Variants in GNB1 observed in about 807,000 individuals in gnomAD.
GNB1 encodes G protein subunit beta 1.
GNB1 carries 2 observed loss-of-function variants against 42.9 expected under a neutral mutation model. That is an observed-to-expected ratio of 0.05 (90% CI 0.02 to 0.15). The LOEUF is 0.15. GNB1 is among the 10% of genes least tolerant of loss of function. The probability of loss-of-function intolerance (pLI) is 1.00; values close to 1 mark genes in which losing one functional copy is unlikely to be tolerated. For synonymous variants in GNB1, 183 were observed against 174.7 expected, an observed-to-expected ratio of 1.05 and a Z score of -0.38; for missense variants, 193 against 462.2, an observed-to-expected ratio of 0.42 and a Z score of 5.34.
intron 7 of GNB1, among the ~76,000 whole-genome samples, chr1:1,797,385 A>G (rs1445281633): frequency 6.6e-6 from 1 of 152,168 alleles, no homozygotes; most frequent in Non-Finnish European, 1.5e-5. Flanking sequence ...GTATTTCTGG[A>G]TGGAATTATA....
At chr1:1,800,616 G>GA (rs1392326726) in intron 7 of GNB1, among the ~76,000 whole-genome samples, 1 of 152,136 alleles carries the variant, frequency 6.6e-6, no homozygotes, top group African/African-American at 2.4e-5. Flanking sequence ...AGATGCATTT[G>GA]AAGACATGGT....
chr1:1,862,769 T>G (rs1394337613), intron 1 of GNB1, among the ~76,000 whole-genome samples: 4 of 151,976 alleles, frequency 2.6e-5, no homozygotes, highest in Non-Finnish European at 5.9e-5. Flanking sequence ...AGTACTTTAT[T>G]TGTACAGAAG....
intron 2 of GNB1, among the ~76,000 whole-genome samples, chr1:1,829,258 C>T (rs983251715): frequency 1.3e-5 from 2 of 152,000 alleles, no homozygotes; most frequent in Admixed American, 6.6e-5. Flanking sequence ...GGTTTCACCA[C>T]GTTGGCCAGG....
intron 2 of GNB1, among the ~76,000 whole-genome samples, chr1:1,827,950 T>C (rs1647021947): frequency 6.6e-6 from 1 of 152,286 alleles, no homozygotes; most frequent in Admixed American, 6.5e-5. Context: ...GTAAAGCTAA[T>C]TTTTATAGTA....
rs116231871 is a variant in GNB1, at chr1:1,882,556, C to T, written c.-96+8264G>A. The stretch of plus-strand genomic sequence containing the variant: ...TTGTCCCTATCAGCAAATCAAGGGA[C>T]GTCAACAAATTTTGGTGAAATTAAA... On this transcript the variant is annotated intron_variant, in intron 1 of 11. Transcript: ENST00000378609. 9.7e-3 allele frequency among the ~76,000 whole-genome samples: 1,469 copies of T among 151,432 alleles called. 32 individuals are homozygous for T. Among genetic ancestry groups the T allele is most frequent in the African/African-American group, 0.034 (1,394 of 41,166 alleles).
intron 1 of GNB1, among the ~76,000 whole-genome samples, chr1:1,859,725 C>G (rs1195798143): frequency 6.8e-6 from 1 of 147,544 alleles, no homozygotes; most frequent in Non-Finnish European, 1.5e-5. Flanking sequence ...AAGAGGGAGG[C>G]AGGCCGGGCG....
intron 1 of GNB1, among the ~76,000 whole-genome samples, chr1:1,864,316 A>AAAAG (rs1648794569): frequency 7.0e-6 from 1 of 143,210 alleles, no homozygotes; most frequent in Non-Finnish European, 1.5e-5. Context: ...GACTCTCTCA[A>AAAAG]AAAAAAAAAA....
intron 2 of GNB1, among the ~76,000 whole-genome samples, chr1:1,837,762 A>C (rs1188845785): frequency 6.8e-6 from 1 of 146,784 alleles, no homozygotes; most frequent in Non-Finnish European, 1.5e-5. Context: ...ACGGGGTTTC[A>C]CCATGTTGGC....
chr1:1,821,543 T>C (rs1451220554), intron 3 of GNB1, among the ~76,000 whole-genome samples: 1 of 152,204 alleles, frequency 6.6e-6, no homozygotes, highest in African/African-American at 2.4e-5. Context: ...CAGGAAAAAA[T>C]GTTCTACATT....
intron 1 of GNB1, among the ~76,000 whole-genome samples, chr1:1,866,212 T>C (rs539032783): frequency 6.6e-6 from 1 of 152,382 alleles, no homozygotes; most frequent in Admixed American, 6.5e-5. Flanking sequence ...AGTGCTGAGA[T>C]TACAGGCGTG....
chr1:1,801,486 G>C (rs948694750), intron 7 of GNB1, among the ~76,000 whole-genome samples: 2 of 152,166 alleles, frequency 1.3e-5, no homozygotes, highest in Non-Finnish European at 2.9e-5. Flanking sequence ...CAGCAGGCCC[G>C]TGTGGCTGTG....
intron 7 of GNB1, among the ~76,000 whole-genome samples, chr1:1,804,003 AG>A (rs66770549): frequency 0.59 from 21,806 of 37,110 alleles, 6,331 homozygotes; most frequent in African/African-American, 0.65. Context: ...AAAAAAAAAA[AG>A]AAAAAAAGGC....
At position 1,787,776 on chromosome 1, in the gene GNB1, A is replaced by T. The variant is rs147727975; in HGVS notation, c.917-339T>A. Among the ~76,000 whole-genome samples, 10 of 152,342 alleles carry T rather than the reference A, an allele frequency of 6.6e-5. No individual in the cohort carries two copies. Among genetic ancestry groups the T allele is most frequent in the African/African-American group, 2.2e-4 (9 of 41,582 alleles). ...ATCAGACGCAGTGGCTTAGGCCTGTAATCCCAGCACGTTGGAAGGCCGAGG... is the reference window on the plus strand; with the variant it reads ...ATCAGACGCAGTGGCTTAGGCCTGTTATCCCAGCACGTTGGAAGGCCGAGG... On this transcript the variant is annotated intron_variant, in intron 10 of 11. Transcript: ENST00000378609. The surrounding 1 kb of genome is among the most constrained non-coding windows in gnomAD (Gnocchi z 4.4).
Position 1,844,586 on chromosome 1 carries a change from C to T in GNB1, c.-95-5348G>A, listed in dbSNP as rs114122021. 3.3e-3 allele frequency among the ~76,000 whole-genome samples: 507 copies of T among 152,292 alleles called. 4 individuals are homozygous for T. The highest frequency in any genetic ancestry group is 0.011 in the African/African-American group (471 of 41,566). ...GAGACATACCTAGAGAATTTCTCTACAAGCTGCATTAATATTTCTAATCAA... is the reference window on the plus strand; with the variant it reads ...GAGACATACCTAGAGAATTTCTCTATAAGCTGCATTAATATTTCTAATCAA... On this transcript the variant is annotated intron_variant, in intron 1 of 11. Coordinates refer to ENST00000378609, the MANE Select transcript of GNB1 (RefSeq NM_002074.5).
intron 5 of GNB1, 65 bp from the exon 6 acceptor site, chr1:1,806,603 A>T (rs1328387166): frequency 1.9e-6 from 2 of 1,080,976 alleles, no homozygotes; most frequent in African/African-American, 1.5e-5. Flanking sequence ...CAAGAGCAAC[A>T]GACTAAAACC....
At chr1:1,840,946 CAG>C (rs1647224693) in intron 1 of GNB1, among the ~76,000 whole-genome samples, 2 of 152,198 alleles carry the variant, frequency 1.3e-5, no homozygotes, top group Non-Finnish European at 2.9e-5. Flanking sequence ...GGCTGGAGTG[CAG>C]TGGTATCATC....
intron 1 of GNB1, among the ~76,000 whole-genome samples, chr1:1,866,239 C>A (rs1009478042): frequency 6.6e-6 from 1 of 152,266 alleles, no homozygotes; most frequent in African/African-American, 2.4e-5. Flanking sequence ...TGCGCCCAGC[C>A]AGAAAACAGT....
chr1:1,864,039 T>C (rs1648777111), intron 1 of GNB1, among the ~76,000 whole-genome samples: 1 of 151,838 alleles, frequency 6.6e-6, no homozygotes, highest in Non-Finnish European at 1.5e-5. Context: ...ATTTAAAAAA[T>C]TTGCCAGGAG....
intron 5 of GNB1, among the ~76,000 whole-genome samples, chr1:1,815,526 T>C (rs1177887770): frequency 2.0e-5 from 3 of 152,244 alleles, no homozygotes; most frequent in Non-Finnish European, 4.4e-5. Context: ...CTTGTATTAA[T>C]GTGATTCAGA....
Sources: allele counts gnomAD v4.1 joint callset (sites outside exome capture counted in the v4.1 genomes callset), GRCh38; gene constraint gnomAD v4.1.1; non-coding constraint Gnocchi (gnomAD v3.1); transcripts MANE v1.5; gene names NCBI Gene and HGNC (gene_info 2026-07-23, HGNC 2026-07-21).